Variants in FAM133A observed in about 807,000 individuals in gnomAD.
FAM133A encodes protein FAM133A.
For synonymous variants in FAM133A, 65 were observed against 58.6 expected (o/e 1.11, Z -0.50); for missense variants, 159 against 164.4 (o/e 0.97, Z 0.18).
At chrX:93,703,945 G>A (rs1335579355) in intron 3 of FAM133A, among the ~76,000 whole-genome samples, 1 of 111,496 alleles carries the variant, frequency 9.0e-6, no homozygotes, top group Admixed American at 9.6e-5. Flanking sequence ...TATGCTGGAG[G>A]GAATATACAT....
chrX:93,709,552 A>G lies in FAM133A; in HGVS notation c.133A>G (p.Lys45Glu). ...NRPRPTWEEV[K>E]KQLENKKTGS... The stretch of plus-strand genomic sequence containing the variant: ...ACCAAGACCCACCTGGGAAGAAGTA[A>G]AGAAACAATTAGAAAATAAAAAAAC... Residue 45 changes from lysine to glutamate, a missense_variant, in exon 4 of 4, where the codon AAG (lysine) becomes GAG (glutamate). By Grantham distance (56) the Lys-to-Glu change is moderately conservative. Coordinates refer to ENST00000683942, the MANE Select transcript of FAM133A (RefSeq NM_001171109.2). 1.7e-6 allele frequency: 2 copies of G among 1,207,487 alleles called. No homozygotes were observed. Among genetic ancestry groups the G allele is most frequent in the Non-Finnish European group, 2.2e-6 (2 of 893,707 alleles).
intron 2 of FAM133A, among the ~76,000 whole-genome samples, chrX:93,682,840 C>T (rs981294239): frequency 4.5e-5 from 5 of 111,304 alleles, no homozygotes; most frequent in African/African-American, 1.6e-4. Context: ...GCCTCGAACT[C>T]CTGACTTCAA....
rs961582494 is a variant in FAM133A, at chrX:93,712,241, A to G, written c.*2075A>G. On this transcript the variant is annotated 3_prime_UTR_variant, in exon 4 of 4. Coordinates refer to ENST00000683942, the MANE Select transcript of FAM133A (RefSeq NM_001171109.2). ...GACTTGCAGTAAACTTTTTAAGTGTAAGAAATAAACTGTTATGTGTTAAAC... is the reference window on the plus strand; with the variant it reads ...GACTTGCAGTAAACTTTTTAAGTGTGAGAAATAAACTGTTATGTGTTAAAC... The G allele has an allele frequency of 8.1e-5, 10 of 123,555 alleles. No individual in the cohort carries two copies. The allele number at this position is 123,555 out of a possible 1,213,427, so 10.2% of individuals were successfully genotyped here. A position where few individuals can be genotyped will look rare whatever the true frequency, so the allele number is the denominator to read the frequency against.
Position 93,710,229 on chromosome X carries a change from G to T in FAM133A, c.*63G>T, listed in dbSNP as rs918876203. On this transcript the variant is annotated 3_prime_UTR_variant, in exon 4 of 4. Transcript: ENST00000683942. ...CCCTGTGTTAGTAGAATTATTTCTG[G>T]ACTTTGAGTTGCCTATCAAATCCCA... is the stretch of plus-strand genomic sequence containing the variant. The T allele has an allele frequency of 3.6e-6, 4 of 1,097,713 alleles. No homozygotes were observed. Among genetic ancestry groups the T allele is most frequent in the Non-Finnish European group, 4.8e-6 (4 of 841,009 alleles). The allele number at this position is 1,097,713 out of a possible 1,213,427, so 90.5% of individuals were successfully genotyped here.
intron 2 of FAM133A, among the ~76,000 whole-genome samples, chrX:93,680,420 T>C (rs1925055126): frequency 8.9e-6 from 1 of 111,794 alleles, no homozygotes; most frequent in African/African-American, 3.3e-5. Flanking sequence ...TACAGATATC[T>C]CTTCAATGTA....
chrX:93,684,337 T>C, intron 2 of FAM133A, among the ~76,000 whole-genome samples: 2 of 112,155 alleles, frequency 1.8e-5, no homozygotes, highest in Middle Eastern at 9.2e-3. Context: ...TGTTTTGATT[T>C]TCTGTTCTGT....
chrX:93,682,824 C>A (rs1279319058), intron 2 of FAM133A, among the ~76,000 whole-genome samples: 2 of 111,081 alleles, frequency 1.8e-5, no homozygotes, highest in African/African-American at 6.6e-5. Context: ...CCATGTTGGT[C>A]AGTTGGCCTC....
At chrX:93,682,320 A>G (rs1045476939) in intron 2 of FAM133A, among the ~76,000 whole-genome samples, 1 of 112,288 alleles carries the variant, frequency 8.9e-6, no homozygotes, top group Non-Finnish European at 1.9e-5. Flanking sequence ...ATAGTTACCC[A>G]GTGGAACATA....
intron 2 of FAM133A, among the ~76,000 whole-genome samples, chrX:93,685,997 T>C (rs1925488711): frequency 9.4e-6 from 1 of 106,769 alleles, no homozygotes; most frequent in Non-Finnish European, 1.9e-5. Context: ...TAATCCCAGT[T>C]ATTCGGGAGA....
At position 93,711,914 on chromosome X, in the gene FAM133A, A is replaced by T. The variant is rs1927465713; in HGVS notation, c.*1748A>T. The T allele has an allele frequency of 8.1e-6, 1 of 123,455 alleles. No homozygotes were observed. The highest frequency in any genetic ancestry group is 9.5e-5 in the Admixed American group (1 of 10,529). The allele number at this position is 123,455 out of a possible 1,213,427, so 10.2% of individuals were successfully genotyped here. On this transcript the variant is annotated 3_prime_UTR_variant, in exon 4 of 4. Transcript: ENST00000683942. The stretch of plus-strand genomic sequence containing the variant: ...TCATTAAAATGCTTTTTATAAGCTT[A>T]TATTATTTGTAGAATATGGCAAAAG...
At position 93,682,935 on chromosome X, in the gene FAM133A, C is replaced by T. The variant is rs191526416; in HGVS notation, c.-193+8183C>T. 2.7e-5 allele frequency among the ~76,000 whole-genome samples: 3 copies of T among 112,100 alleles called. No individual in the cohort carries two copies. In the East Asian group the frequency reaches 8.4e-4, roughly 31 times the overall value. On this transcript the variant is annotated intron_variant, in intron 2 of 3. Coordinates refer to ENST00000683942, the MANE Select transcript of FAM133A (RefSeq NM_001171109.2). ...CAGCCAGCAGTACCATTTTTACTTG[C>T]TGTTCAAATAAAATTCATTTTTAGC... is the stretch of plus-strand genomic sequence containing the variant.
chrX:93,675,120 T>G (rs112014589), intron 2 of FAM133A, among the ~76,000 whole-genome samples: 1 of 112,220 alleles, frequency 8.9e-6, no homozygotes, highest in Non-Finnish European at 1.9e-5. Context: ...ATAAATGCAT[T>G]TACTTTTATT....
At chrX:93,702,765 T>A (rs1201224507) in intron 3 of FAM133A, among the ~76,000 whole-genome samples, 1 of 102,784 alleles carries the variant, frequency 9.7e-6, no homozygotes, top group Non-Finnish European at 1.9e-5. Context: ...ACCCTTGATA[T>A]GATGTGATGA....
chrX:93,702,853 A>C (rs1284402569), intron 3 of FAM133A, among the ~76,000 whole-genome samples: 9 of 99,259 alleles, frequency 9.1e-5, no homozygotes, highest in South Asian at 4.4e-4. Context: ...AAAAAAAAAA[A>C]AAAAAAAAAA....
intron 2 of FAM133A, among the ~76,000 whole-genome samples, chrX:93,677,126 T>C (rs1223454378): frequency 9.0e-6 from 1 of 111,087 alleles, no homozygotes; most frequent in African/African-American, 3.3e-5. Flanking sequence ...CATAGTGATA[T>C]GTTTTTTTGT....
chrX:93,679,917 T>A (rs1223996345), intron 2 of FAM133A, among the ~76,000 whole-genome samples: 7 of 7,323 alleles, frequency 9.6e-4, no homozygotes, highest in African/African-American at 2.2e-3. Context: ...CCTGGCAAAT[T>A]TTTTTTTTTT....
chrX:93,673,968 G>A (rs1055170135), upstream of FAM133A: 1 of 93,349 alleles, frequency 1.1e-5, no homozygotes, highest in Non-Finnish European at 2.1e-5. Flanking sequence ...GTTTGTCACG[G>A]GTCTCTTGAC....
intron 2 of FAM133A, among the ~76,000 whole-genome samples, chrX:93,686,684 A>T (rs892253172): frequency 8.9e-6 from 1 of 112,018 alleles, no homozygotes. Flanking sequence ...TTTTTAATTC[A>T]ATTACTTGCC....
At chrX:93,683,779 G>A (rs1359960399) in intron 2 of FAM133A, among the ~76,000 whole-genome samples, 1 of 111,273 alleles carries the variant, frequency 9.0e-6, no homozygotes, top group African/African-American at 3.3e-5. Flanking sequence ...TGTTGAATAT[G>A]TTTTCATATA....
Sources: allele counts gnomAD v4.1 joint callset (sites outside exome capture counted in the v4.1 genomes callset), GRCh38; gene constraint gnomAD v4.1.1; transcripts MANE v1.5; gene names NCBI Gene and HGNC (gene_info 2026-07-23, HGNC 2026-07-21).